Variants in MLLT10 observed in about 807,000 individuals in gnomAD.
MLLT10 encodes protein AF-10.
MLLT10 carries 30 observed loss-of-function variants against 129.1 expected under a neutral mutation model. The observed-to-expected ratio is 0.23, with a 90% CI of 0.17 to 0.32. MLLT10 has a LOEUF of 0.32. Among genes scored for constraint, MLLT10 ranks in the 10% least tolerant of loss-of-function variants. The probability of loss-of-function intolerance (pLI) is 1.00; values close to 1 mark genes in which losing one functional copy is unlikely to be tolerated. For missense variants in MLLT10, 1,119 were observed against 1,268.3 expected (o/e 0.88, Z 1.79); for synonymous variants, 490 against 446.4 (o/e 1.10, Z -1.23).
intron 13 of MLLT10, chr10:21,688,522 A>G (rs2131424679): frequency 6.2e-7 from 1 of 1,612,934 alleles, no homozygotes; most frequent in East Asian, 2.2e-5. Flanking sequence ...TAACAAAGCA[A>G]GAACTTAAAT....
At chr10:21,716,090 T>C (rs2056532551) in intron 14 of MLLT10, among the ~76,000 whole-genome samples, 1 of 152,194 alleles carries the variant, frequency 6.6e-6, no homozygotes, top group African/African-American at 2.4e-5. Context: ...CCTGAGACAA[T>C]AGTAATGGTG....
intron 8 of MLLT10, chr10:21,626,308 G>C (rs753932964): frequency 3.5e-6 from 4 of 1,159,078 alleles, no homozygotes; most frequent in Non-Finnish European, 5.2e-6. Flanking sequence ...GGGGCTGGTG[G>C]CTGGGCCCGT....
intron 21 of MLLT10, among the ~76,000 whole-genome samples, chr10:21,736,406 T>C (rs1445178500): frequency 6.6e-6 from 1 of 152,210 alleles, no homozygotes; most frequent in African/African-American, 2.4e-5. Flanking sequence ...TGCCTCAGCC[T>C]CCCGAGTAGC....
chr10:21,661,213 G>A (rs939174549), intron 9 of MLLT10, among the ~76,000 whole-genome samples: 5 of 152,266 alleles, frequency 3.3e-5, no homozygotes, highest in African/African-American at 1.2e-4. Flanking sequence ...TTATGGTCTA[G>A]AATGTGGTCC....
chr10:21,701,588 A>AAT (rs985845870), intron 13 of MLLT10, among the ~76,000 whole-genome samples: 4 of 151,794 alleles, frequency 2.6e-5, no homozygotes, highest in African/African-American at 7.3e-5. Context: ...TGTTATTAAA[A>AAT]ATATATATAT....
chr10:21,674,521 T>C (rs567235446), intron 11 of MLLT10, among the ~76,000 whole-genome samples: 2 of 152,318 alleles, frequency 1.3e-5, no homozygotes, highest in East Asian at 3.9e-4. Flanking sequence ...CCATTCTTTT[T>C]ATTATAAGAC....
chr10:21,715,231 C>T (rs2056446889), intron 14 of MLLT10, among the ~76,000 whole-genome samples: 1 of 152,182 alleles, frequency 6.6e-6, no homozygotes, highest in Non-Finnish European at 1.5e-5. Context: ...GTGAATGGCA[C>T]AGTGAGAGCA....
At chr10:21,647,059 T>A (rs1428377238) in intron 8 of MLLT10, among the ~76,000 whole-genome samples, 1 of 152,100 alleles carries the variant, frequency 6.6e-6, no homozygotes, top group Non-Finnish European at 1.5e-5. Flanking sequence ...GGTTTCACCG[T>A]CTTAGCCAGG....
Position 21,538,139 on chromosome 10 carries a change from C to T in MLLT10, c.161-694C>T, listed in dbSNP as rs191181586. On this transcript the variant is annotated intron_variant, in intron 2 of 22. Coordinates refer to ENST00000307729, the MANE Select transcript of MLLT10 (RefSeq NM_001195626.3). ...AGTAGCTGGGACTGTAGGCACATGC[C>T]ACCGTGCCCAGCTAATTTTTTTTTT... Among the ~76,000 whole-genome samples the T allele has an allele frequency of 3.8e-3, 581 of 151,486 alleles. 5 individuals are homozygous for T. The highest frequency in any genetic ancestry group is 0.013 in the African/African-American group (547 of 41,240).
chr10:21,557,164 A>G (rs2038137082), intron 3 of MLLT10: 1 of 1,340,462 alleles, frequency 7.5e-7, no homozygotes, highest in Non-Finnish European at 9.5e-7. Context: ...AAAAAATAAA[A>G]CTAGTTGATT....
chr10:21,628,480 G>C (rs1198314371), intron 8 of MLLT10, among the ~76,000 whole-genome samples: 2 of 139,194 alleles, frequency 1.4e-5, no homozygotes, highest in Non-Finnish European at 3.0e-5. Flanking sequence ...CTGTCACCCA[G>C]GCTGGAGTAC....
At chr10:21,537,624 C>T (rs1366316593) in intron 2 of MLLT10, among the ~76,000 whole-genome samples, 2 of 152,092 alleles carry the variant, frequency 1.3e-5, no homozygotes, top group Non-Finnish European at 2.9e-5. Flanking sequence ...GCCACCATGC[C>T]CAGCTAATTT....
chr10:21,551,492 G>C (rs1168735811), intron 3 of MLLT10, among the ~76,000 whole-genome samples: 1 of 151,638 alleles, frequency 6.6e-6, no homozygotes, highest in Non-Finnish European at 1.5e-5. Context: ...TTTCAAAGAG[G>C]TGGTTTTCAA....
chr10:21,720,050 A>G (rs1050935607), intron 14 of MLLT10, among the ~76,000 whole-genome samples: 3 of 152,200 alleles, frequency 2.0e-5, no homozygotes, highest in African/African-American at 7.2e-5. Flanking sequence ...AGCTATATTG[A>G]TAAGATATTA....
At chr10:21,582,052 G>A (rs982409756) in intron 3 of MLLT10, among the ~76,000 whole-genome samples, 20 of 151,994 alleles carry the variant, frequency 1.3e-4, no homozygotes, top group African/African-American at 4.8e-4. Context: ...TTGTTGTTAT[G>A]CAGACTGCAT....
intron 3 of MLLT10, among the ~76,000 whole-genome samples, chr10:21,543,302 G>A (rs1485335811): frequency 6.6e-6 from 1 of 151,988 alleles, no homozygotes; most frequent in Non-Finnish European, 1.5e-5. Flanking sequence ...TGTATTTTTA[G>A]TAGAGACAGG....
At chr10:21,733,469 GTAA>G in intron 18 of MLLT10, 32 bp from the exon 19 acceptor site, 1 of 1,302,994 alleles carries the variant, frequency 7.7e-7, no homozygotes, top group Non-Finnish European at 1.0e-6. Context: ...ATTTAATAGG[GTAA>G]ATAGGTTTCT....
chr10:21,647,751 T>C (rs570272738), intron 8 of MLLT10, among the ~76,000 whole-genome samples: 1 of 152,106 alleles, frequency 6.6e-6, no homozygotes, highest in East Asian at 1.9e-4. Context: ...TATTTTCTTA[T>C]TTATTAAAAA....
rs746843498 is a variant in MLLT10 at position 21,673,702 on chromosome 10, G to A, written c.1404G>A (p.Arg468=). 1 of 1,614,096 alleles carries A rather than the reference G, an allele frequency of 6.2e-7. No individual in the cohort carries two copies. The change falls in exon 11 of 23, where the codon AGG becomes AGA. Residue 468 remains arginine (R), a synonymous_variant. Coordinates refer to ENST00000307729, the MANE Select transcript of MLLT10 (RefSeq NM_001195626.3). ...IEEETVKEKK[R]KGNKQSKHGP... ...AAGAAACTGTAAAGGAAAAGAAAAG[G>A]AAAGGAAATAAACAAAGTAAGCATG...
Sources: gnomAD v4.1 joint callset for allele counts (sites outside exome capture counted in the v4.1 genomes callset) on GRCh38, gnomAD v4.1.1 for gene constraint, MANE v1.5 for transcripts, NCBI Gene and HGNC (gene_info 2026-07-23, HGNC 2026-07-21) for gene names.